Variants in OPA3 observed in about 807,000 individuals in gnomAD.
OPA3 encodes optic atrophy 3 protein.
Under a neutral mutation model 4.0 loss-of-function variants are expected in OPA3, and 6 were observed. The ratio of observed to expected loss-of-function variants is 1.51; its 90% CI spans 0.83 to 2.99. OPA3 has a LOEUF of 2.99. Ranked by LOEUF, OPA3 falls within the 30% of genes most tolerant of loss-of-function variation. The pLI, the probability that OPA3 is intolerant of heterozygous loss-of-function variation, is 0.00. For synonymous variants in OPA3, 105 were observed against 117.1 expected (o/e 0.90, Z 0.67); for missense variants, 235 against 256.2 (o/e 0.92, Z 0.56).
intron 1 of OPA3, among the ~76,000 whole-genome samples, chr19:45,566,093 C>T (rs1202482696): frequency 1.3e-5 from 2 of 152,108 alleles, no homozygotes; most frequent in African/African-American, 4.8e-5. Flanking sequence ...GATAATATAG[C>T]ATAATCAAGT....
At chr19:45,543,328 T>A (rs984703406), downstream of OPA3, among the ~76,000 whole-genome samples, 1 of 150,302 alleles carries the variant, frequency 6.7e-6, no homozygotes, top group African/African-American at 2.4e-5. Context: ...ATTTTTAATT[T>A]TTTTTTTTTT....
chr19:45,553,658 C>CT lies in OPA3; in HGVS notation c.395_396insA (p.Leu133AlafsTer64), dbSNP rs768199119. ...GCACCTGCGCCTGCAGCGCTTCCAG[C>CT]GCCAGCGCCAGGTGGCCCACCTCGT... is the stretch of plus-strand genomic sequence containing the variant. On this transcript the variant is annotated frameshift_variant, in exon 2 of 2. Transcript: ENST00000263275. LOFTEE classifies it low-confidence loss of function (END_TRUNC). The CT allele has an allele frequency of 6.2e-7, 1 of 1,604,790 alleles. No homozygotes were observed. Among genetic ancestry groups the CT allele is most frequent in the African/African-American group, 1.3e-5 (1 of 74,990 alleles).
In OPA3 at chr19:45,548,858, T is replaced by A. The variant is rs1969290657; in HGVS notation, c.*4656A>T. The A allele has an allele frequency of 3.5e-6, 2 of 563,498 alleles. No individual in the cohort carries two copies. Among genetic ancestry groups the A allele is most frequent in the Admixed American group, 6.4e-5 (1 of 15,608 alleles). 34.9% of individuals were successfully genotyped at this position (563,498 alleles called of 1,614,324 possible). On this transcript the variant is annotated 3_prime_UTR_variant, in exon 2 of 2. Transcript: ENST00000263275. ...TCGCTCTGTCACCCAGGCTGGAGTA[T>A]AATGGCATGATCTCGGCTCACTGCA... is the stretch of plus-strand genomic sequence containing the variant.
chr19:45,579,006 C>T (rs918934426), intron 1 of OPA3, among the ~76,000 whole-genome samples: 4 of 152,056 alleles, frequency 2.6e-5, no homozygotes, highest in Admixed American at 6.6e-5. Flanking sequence ...GTGCCAGGCA[C>T]GCTCATGCCT....
Position 45,584,665 on chromosome 19 carries a change from T to C in OPA3, c.100A>G (p.Ser34Gly), listed in dbSNP as rs1301230201. 6.2e-7 allele frequency: 1 copy of C among 1,614,194 alleles called. No homozygotes were observed. The highest frequency in any genetic ancestry group is 1.1e-5 in the South Asian group (1 of 91,084). The stretch of plus-strand genomic sequence containing the variant: ...CAGATATAGGTCTTGAAGAACTCGC[T>C]TCGGCGGGCGGCCTCCTTAATACGG... Reference protein sequence around the residue: ...ANRIKEAARRSEFFKTYICLP... With the variant: ...ANRIKEAARRGEFFKTYICLP... The change falls in exon 1 of 2, where the codon AGC becomes GGC. Residue 34 changes from serine to glycine, a missense_variant. Ser to Gly is a moderately conservative substitution (Grantham distance 56). Coordinates refer to ENST00000263275, the MANE Select transcript of OPA3 (RefSeq NM_025136.4).
rs748656480 is a variant in OPA3, at chr19:45,529,357, G to A, written c.242C>T (p.Ala81Val). The A allele has an allele frequency of 1.7e-5, 27 of 1,614,056 alleles. No homozygotes were observed. The African/African-American group carries it at 2.5e-4, about 15-fold the overall frequency. The stretch of plus-strand genomic sequence containing the variant: ...GATGATGCCCTCGCCCAGCAGCTCC[G>A]CGCCCAGCTCGGCGGCTGCACCCTC... Residue 81 changes from alanine (A) to valine (V), a missense_variant, in exon 2 of 2, where the codon GCG becomes GTG. By Grantham distance (64) the Ala-to-Val change is moderately conservative. Transcript: ENST00000323060.
exon 2 of OPA3, chr19:45,529,018 G>T: frequency 6.3e-7 from 1 of 1,583,536 alleles, no homozygotes; most frequent in South Asian, 1.1e-5. Flanking sequence ...TCGCAGTCCA[G>T]ACAGCAGTCA....
intron 1 of OPA3, among the ~76,000 whole-genome samples, chr19:45,540,730 G>A (rs1407204882): frequency 5.3e-5 from 8 of 151,806 alleles, no homozygotes; most frequent in Non-Finnish European, 8.8e-5. Context: ...TTGAACCTGG[G>A]AGGCGGAGAA....
chr19:45,584,316 C>T, intron 1 of OPA3: 1 of 984,504 alleles, frequency 1.0e-6, no homozygotes, highest in Non-Finnish European at 1.2e-6. Context: ...CTGGAAAGCC[C>T]CGTCCAAATT....
chr19:45,542,291 T>C (rs557811510), downstream of OPA3, among the ~76,000 whole-genome samples: 1 of 152,278 alleles, frequency 6.6e-6, no homozygotes, highest in Admixed American at 6.5e-5. Context: ...CCTGCCAACC[T>C]GTTCCCGGCT....
intron 1 of OPA3, among the ~76,000 whole-genome samples, chr19:45,531,903 A>T (rs1406563932): frequency 6.6e-6 from 1 of 152,206 alleles, no homozygotes; most frequent in African/African-American, 2.4e-5. Flanking sequence ...TTGTCTGCTC[A>T]GTAAAGGATT....
chr19:45,548,053 C>G lies in OPA3; in HGVS notation c.*5461G>C. 3 of 899,158 alleles carry G rather than the reference C, an allele frequency of 3.3e-6. No homozygotes were observed. Among genetic ancestry groups the G allele is most frequent in the Non-Finnish European group, 4.0e-6 (3 of 751,300 alleles). The allele number at this position is 899,158 out of a possible 1,614,324, so 55.7% of individuals were successfully genotyped here. On this transcript the variant is annotated 3_prime_UTR_variant, in exon 2 of 2. Coordinates refer to ENST00000263275, the MANE Select transcript of OPA3 (RefSeq NM_025136.4). Reference sequence around the variant, plus strand: ...ACTAGAATGTCAGCTCCAGTGAGGGCCTCTGCTTGCTCCCAACTGGCTCCC... The same window carrying G: ...ACTAGAATGTCAGCTCCAGTGAGGGGCTCTGCTTGCTCCCAACTGGCTCCC...
chr19:45,529,584 G>C, intron 1 of OPA3: 1 of 1,145,476 alleles, frequency 8.7e-7, no homozygotes, highest in South Asian at 1.4e-5. Flanking sequence ...CGTGCTGGCG[G>C]GGACGCCTTA....
chr19:45,566,835 G>C (rs1969591098), intron 1 of OPA3, among the ~76,000 whole-genome samples: 1 of 151,962 alleles, frequency 6.6e-6, no homozygotes, highest in Non-Finnish European at 1.5e-5. Flanking sequence ...TTTACTCCTA[G>C]ATAATTACTG....
intron 1 of OPA3, among the ~76,000 whole-genome samples, chr19:45,584,072 G>A (rs764450735): frequency 6.6e-6 from 1 of 152,162 alleles, no homozygotes; most frequent in Admixed American, 6.6e-5. Context: ...CGGATTCCCA[G>A]GCCATGTCTC....
At chr19:45,570,377 C>T (rs533048125) in intron 1 of OPA3, among the ~76,000 whole-genome samples, 161 of 152,162 alleles carry the variant, frequency 1.1e-3, no homozygotes, top group Non-Finnish European at 1.9e-3. Flanking sequence ...GCTGTGACAG[C>T]CACATACAAA....
At chr19:45,534,845 C>T (rs775513134) in intron 1 of OPA3, among the ~76,000 whole-genome samples, 11 of 152,002 alleles carry the variant, frequency 7.2e-5, no homozygotes, top group Non-Finnish European at 1.6e-4. Context: ...GTTGGTCAGG[C>T]TGGTCTTGAA....
chr19:45,577,422 A>G (rs75338467), intron 1 of OPA3, among the ~76,000 whole-genome samples: 4,701 of 152,310 alleles, frequency 0.031, 154 homozygotes, highest in African/African-American at 0.076. Flanking sequence ...GCAAAGGGCA[A>G]TCAGCAGTGT....
Position 45,528,936 on chromosome 19 carries a change from C to G in OPA3, c.*120G>C, listed in dbSNP as rs559307674. On this transcript the variant is annotated 3_prime_UTR_variant, in exon 2 of 2. Transcript: ENST00000323060. ...CAGCCCAGGATCTCTCCGGCGCCCC[C>G]GAAGGACTGGGTGGTGTCAGCTGGG... 17 of 1,264,808 alleles carry G rather than the reference C, an allele frequency of 1.3e-5. No homozygotes were observed. In the African/African-American group the frequency reaches 2.1e-4, roughly 16 times the overall value. The allele number at this position is 1,264,808 out of a possible 1,614,324, so 78.3% of individuals were successfully genotyped here.
Sources: gnomAD v4.1 joint callset for allele counts (sites outside exome capture counted in the v4.1 genomes callset) on GRCh38, gnomAD v4.1.1 for gene constraint, MANE v1.5 for transcripts, NCBI Gene and HGNC (gene_info 2026-07-23, HGNC 2026-07-21) for gene names.